SELENOM: variants seen among roughly 807,000 people sequenced by gnomAD.
SELENOM encodes the protein selenoprotein SelM.
SELENOM carries 17 observed loss-of-function variants against 14.5 expected under a neutral mutation model. That is an observed-to-expected ratio of 1.17 (90% CI 0.80 to 1.76). The LOEUF (loss-of-function observed/expected upper bound fraction) is 1.76, where lower values mean the gene tolerates loss of function less well. Ranked by LOEUF, SELENOM falls within the 40% of genes most tolerant of loss-of-function variation. The pLI is 0.00. For missense variants in SELENOM, 230 were observed against 204.6 expected (o/e 1.12, Z -0.76); for synonymous variants, 102 against 93.3 (o/e 1.09, Z -0.54).
rs980608389 is a variant in SELENOM at position 31,106,133 on chromosome 22, G to T, written c.130-168C>A. ...GCTGGACCCTTGTGGGCAGAAGGGGGAACTGTGTATACAGGTGGGGAGACT... is the reference window on the plus strand; with the variant it reads ...GCTGGACCCTTGTGGGCAGAAGGGGTAACTGTGTATACAGGTGGGGAGACT... On this transcript the variant is annotated intron_variant, in intron 1 of 4. Coordinates refer to ENST00000400299, the MANE Select transcript of SELENOM (RefSeq NM_080430.4). 11 of 673,292 alleles carry T rather than the reference G, an allele frequency of 1.6e-5. No homozygotes were observed. In the African/African-American group the frequency reaches 1.8e-4, roughly 11 times the overall value. The allele number at this position is 673,292 out of a possible 1,614,324, so 41.7% of individuals were successfully genotyped here.
rs1184828242 is a variant in SELENOM at position 31,104,847 on chromosome 22, A to T, written c.*123T>A. 9.5e-7 allele frequency: 1 copy of T among 1,057,378 alleles called. No homozygotes were observed. Among genetic ancestry groups the T allele is most frequent in the Non-Finnish European group, 1.3e-6 (1 of 779,062 alleles). 65.5% of individuals were successfully genotyped at this position (1,057,378 alleles called of 1,614,324 possible). A position where few individuals can be genotyped will look rare whatever the true frequency, so the allele number is the denominator to read the frequency against. ...GGGTTGGGAGAACCTCCCCAACCCC[A>T]TCCCTGCTGGCCCGGGGACGGGCAT... On this transcript the variant is annotated 3_prime_UTR_variant, in exon 5 of 5. Transcript: ENST00000400299.
intron 2 of SELENOM, 39 bp downstream of exon 2, chr22:31,105,890 CA>C (rs1569276125): frequency 6.2e-7 from 1 of 1,605,774 alleles, no homozygotes; most frequent in South Asian, 1.1e-5. Flanking sequence ...CCAAGAGGCT[CA>C]GGGGGAACAG....
chr22:31,105,473 T>C (rs2044392690), intron 3 of SELENOM, 185 bp downstream of exon 3: 1 of 814,044 alleles, frequency 1.2e-6, no homozygotes, highest in Non-Finnish European at 2.0e-6. Flanking sequence ...CTCCATTCTG[T>C]GGCAGTCATC....
At chr22:31,105,509 A>G in intron 3 of SELENOM, 149 bp downstream of exon 3, 1 of 911,690 alleles carries the variant, frequency 1.1e-6, no homozygotes. Flanking sequence ...TTGCCCACCC[A>G]ACATGGAGAC....
At chr22:31,105,719 C>A in intron 2 of SELENOM, 27 bp from the exon 3 acceptor site, 1 of 1,613,460 alleles carries the variant, frequency 6.2e-7, no homozygotes, top group Non-Finnish European at 8.5e-7. Context: ...GCATCAGAGA[C>A]CATGACCTCA....
In SELENOM at chr22:31,105,005, G is replaced by A. The variant is rs185670461; in HGVS notation, c.403C>T (p.Pro135Ser). The A allele has an allele frequency of 4.7e-4, 756 of 1,602,612 alleles. 1 individual carries two copies. The East Asian group carries it at 0.012, about 26-fold the overall frequency. ...GCGTGGTCCGAAGTTTCCTCTGGGG[G>A]CTTCGCGGGCGCCCACACGTACTCG... is the stretch of plus-strand genomic sequence containing the variant. Reference protein sequence around the residue: ...PPEYVWAPAKPPEETSDHADL With the variant: ...PPEYVWAPAKSPEETSDHADL The change falls in exon 5 of 5, where the codon CCC (proline) becomes TCC (serine). Residue 135 changes from proline (P) to serine (S), a missense_variant. Transcript: ENST00000400299.
At chr22:31,107,115 T>C (rs976677932) in intron 1 of SELENOM, 2 of 471,018 alleles carry the variant, frequency 4.2e-6, no homozygotes, top group Non-Finnish European at 7.6e-6. Flanking sequence ...TGCGTCAGTG[T>C]GTCTGGGTGT....
In SELENOM at chr22:31,104,947, C is replaced by G. The variant is rs760723278; in HGVS notation, c.*23G>C. 2.0e-6 allele frequency: 3 copies of G among 1,536,456 alleles called. No individual in the cohort carries two copies. In the Admixed American group the frequency reaches 6.7e-5, roughly 34 times the overall value. On this transcript the variant is annotated 3_prime_UTR_variant, in exon 5 of 5. Coordinates refer to ENST00000400299, the MANE Select transcript of SELENOM (RefSeq NM_080430.4). ...TCTCCAGGACTCAGGCAGGTAGGTC[C>G]CAGCTCCGCCGCGCCCCCGGACCTA...
At chr22:31,105,629 AT>A in intron 3 of SELENOM, 28 bp downstream of exon 3, 1 of 1,612,076 alleles carries the variant, frequency 6.2e-7, no homozygotes. Context: ...TGCCCATCCC[AT>A]TTCCCCTCCC....
In SELENOM at chr22:31,105,142, G is replaced by A; in HGVS notation, c.280-14C>T. On this transcript the variant is annotated splice_polypyrimidine_tract_variant and intron_variant, in intron 4 of 4. Transcript: ENST00000400299. ...GAGTGGGATGCGCTGAGGCGGAGGA[G>A]GGGCGGGGTCAGCAGGCTGGGCCTC... The A allele has an allele frequency of 3.1e-6, 5 of 1,613,494 alleles. No individual in the cohort carries two copies. The highest frequency in any genetic ancestry group is 4.2e-6 in the Non-Finnish European group (5 of 1,179,786).
intron 1 of SELENOM, chr22:31,106,245 G>A (rs1040156292): frequency 7.1e-5 from 38 of 533,660 alleles, no homozygotes; most frequent in Non-Finnish European, 2.4e-5. Context: ...CCTACTGGCT[G>A]TGGACTGACT....
Position 31,105,204 on chromosome 22 carries a change from T to G in SELENOM, c.279+4A>C, listed in dbSNP as rs1324982734. On this transcript the variant is annotated splice_donor_region_variant and intron_variant, in intron 4 of 4. Transcript: ENST00000400299. Reference sequence around the variant, plus strand: ...CGCCCCCAGCCCACCTCCCACGGCCTCACCTCTAGTTCCTCGTAGCGGCGG... The same window carrying G: ...CGCCCCCAGCCCACCTCCCACGGCCGCACCTCTAGTTCCTCGTAGCGGCGG... 1.9e-6 allele frequency: 3 copies of G among 1,613,274 alleles called. No homozygotes were observed. Among genetic ancestry groups the G allele is most frequent in the Non-Finnish European group, 2.5e-6 (3 of 1,179,716 alleles).
At position 31,105,132 on chromosome 22, in the gene SELENOM, A is replaced by AGGCGGCGGAGG; in HGVS notation, c.280-5_280-4insCCTCCGCCGCC. ...TCATTTCACTGAGTGGGATGCGCTG[A>AGGCGGCGGAGG]GGCGGAGGAGGGGCGGGGTCAGCAG... On this transcript the variant is annotated splice_polypyrimidine_tract_variant and splice_region_variant and intron_variant, in intron 4 of 4. Coordinates refer to ENST00000400299, the MANE Select transcript of SELENOM (RefSeq NM_080430.4). 1 of 1,613,412 alleles carries AGGCGGCGGAGG rather than the reference A, an allele frequency of 6.2e-7. No individual in the cohort carries two copies. Among genetic ancestry groups the AGGCGGCGGAGG allele is most frequent in the Non-Finnish European group, 8.5e-7 (1 of 1,179,684 alleles).
chr22:31,106,356 G>A (rs2044405460), intron 1 of SELENOM: 1 of 268,950 alleles, frequency 3.7e-6, no homozygotes, highest in Admixed American at 4.8e-5. Flanking sequence ...CAGAGCAGAA[G>A]GAAACACCTC....
intron 2 of SELENOM, 85 bp downstream of exon 2, chr22:31,105,845 C>T (rs1458484030): frequency 6.6e-7 from 1 of 1,507,792 alleles, no homozygotes; most frequent in East Asian, 2.3e-5. Flanking sequence ...TTCCCCCCTC[C>T]CCGCCCCAGT....
chr22:31,105,460 C>T, intron 3 of SELENOM, 174 bp from the exon 4 acceptor site: 1 of 805,008 alleles, frequency 1.2e-6, no homozygotes, highest in Non-Finnish European at 2.0e-6. Flanking sequence ...AAAGGGCCCT[C>T]CTCTCCATTC....
chr22:31,107,254 C>T (rs2044413935), intron 1 of SELENOM, 123 bp downstream of exon 1: 5 of 1,258,276 alleles, frequency 4.0e-6, no homozygotes, highest in Non-Finnish European at 5.3e-6. Context: ...ATGGTCCCGG[C>T]GCCAGGGGGA....
chr22:31,105,701 G>A lies in SELENOM; in HGVS notation c.166-9C>T, dbSNP rs756882332. 12 of 1,613,854 alleles carry A rather than the reference G, an allele frequency of 7.4e-6. No homozygotes were observed. The East Asian group carries it at 1.6e-4, about 21-fold the overall frequency. Reference sequence around the variant, plus strand: ...GTGACGAAAGCCTTCACCTGGGGAGGAACCAGAGCATCAGAGACCATGACC... The same window carrying A: ...GTGACGAAAGCCTTCACCTGGGGAGAAACCAGAGCATCAGAGACCATGACC... On this transcript the variant is annotated splice_polypyrimidine_tract_variant and intron_variant, in intron 2 of 4. Coordinates refer to ENST00000400299, the MANE Select transcript of SELENOM (RefSeq NM_080430.4).
chr22:31,107,557 T>G lies in SELENOM; in HGVS notation c.-52A>C. On this transcript the variant is annotated 5_prime_UTR_variant, in exon 1 of 5. Coordinates refer to ENST00000400299, the MANE Select transcript of SELENOM (RefSeq NM_080430.4). Reference sequence around the variant, plus strand: ...AGCTGGAGGCGAACCTCCGAGTCGCTGCGCCACGTCTGGGCCCCCAGGCTG... The same window carrying G: ...AGCTGGAGGCGAACCTCCGAGTCGCGGCGCCACGTCTGGGCCCCCAGGCTG... 1.4e-6 allele frequency: 2 copies of G among 1,466,668 alleles called. No homozygotes were observed. The highest frequency in any genetic ancestry group is 2.7e-5 in the East Asian group (1 of 36,672). The allele number at this position is 1,466,668 out of a possible 1,614,324, so 90.9% of individuals were successfully genotyped here.
Sources: gnomAD v4.1 joint callset for allele counts on GRCh38, gnomAD v4.1.1 for gene constraint, MANE v1.5 for transcripts, NCBI Gene and HGNC (gene_info 2026-07-23, HGNC 2026-07-21) for gene names.